The following WDR25 variants were observed in gnomAD, a reference collection of about 807,000 sequenced individuals.
WDR25 encodes the protein WD repeat-containing protein 25.
A neutral mutation model predicts 47.7 loss-of-function variants in WDR25; 35 were observed. That is an observed-to-expected ratio of 0.73 (90% CI 0.56 to 0.97). The LOEUF (loss-of-function observed/expected upper bound fraction) is 0.97, where lower values mean the gene tolerates loss of function less well. Among genes scored for constraint, WDR25 ranks in the 50% least tolerant of loss-of-function variants. The pLI, the probability that WDR25 is intolerant of heterozygous loss-of-function variation, is 0.00. For missense variants in WDR25, 634 were observed against 704.7 expected (o/e 0.90, Z 1.14); for synonymous variants, 248 against 278.9 (o/e 0.89, Z 1.10).
rs907074491 is a variant in WDR25 at position 100,511,060 on chromosome 14, C to CA, written c.1102-14801dup. Among the ~76,000 whole-genome samples, 131 of 149,262 alleles carry CA rather than the reference C, an allele frequency of 8.8e-4. 1 individual carries two copies. Among genetic ancestry groups the CA allele is most frequent in the Admixed American group, 6.0e-4 (9 of 14,994 alleles). On this transcript the variant is annotated intron_variant, in intron 4 of 6. Coordinates refer to ENST00000402312, the MANE Select transcript of WDR25 (RefSeq NM_001161476.3). ...TTTACAATTGCTTTGCCAATTTATG[C>CA]AAAAAAAAACTGGCTTGAACTTTAA...
chr14:100,464,723 T>TC (rs1202708565), intron 2 of WDR25, among the ~76,000 whole-genome samples: 1 of 103,228 alleles, frequency 9.7e-6, no homozygotes, highest in African/African-American at 3.9e-5. Context: ...CCCCATCTCA[T>TC]CTCCCCTACT....
At chr14:100,464,734 C>CCATCTCATCTCATCTCATCTCATCT (rs11275025) in intron 2 of WDR25, among the ~76,000 whole-genome samples, 1 of 57,410 alleles carries the variant, frequency 1.7e-5, no homozygotes, top group African/African-American at 7.7e-5. Context: ...CTCCCCTACT[C>CCATCTCATCTCATCTCATCTCATCT]CATCTCATCT....
At chr14:100,475,332 A>G (rs1899981723) in intron 3 of WDR25, among the ~76,000 whole-genome samples, 1 of 152,234 alleles carries the variant, frequency 6.6e-6, no homozygotes, top group African/African-American at 2.4e-5. Flanking sequence ...GCACCCCCGT[A>G]TTCATTGCAG....
chr14:100,523,113 C>G lies in WDR25; in HGVS notation c.1102-2757C>G, dbSNP rs79210934. On this transcript the variant is annotated intron_variant, in intron 4 of 6. Coordinates refer to ENST00000402312, the MANE Select transcript of WDR25 (RefSeq NM_001161476.3). This position sits in a 1 kb window ranked among gnomAD's most constrained non-coding sequence, Gnocchi z 4.7. ...AGGATGTTGCTGGGAGCCGGAGGACCCTGGATTGCTACTTTTAAAGTAGTC... is the reference window on the plus strand; with the variant it reads ...AGGATGTTGCTGGGAGCCGGAGGACGCTGGATTGCTACTTTTAAAGTAGTC... Among the ~76,000 whole-genome samples the G allele has an allele frequency of 6.6e-6, 1 of 152,188 alleles. No homozygotes were observed. Among genetic ancestry groups the G allele is most frequent in the Non-Finnish European group, 1.5e-5 (1 of 68,028 alleles).
intron 2 of WDR25, among the ~76,000 whole-genome samples, chr14:100,397,669 G>A (rs1190094338): frequency 6.6e-6 from 1 of 152,178 alleles, no homozygotes; most frequent in Non-Finnish European, 1.5e-5. Flanking sequence ...CTAGAGGATG[G>A]GTAGCCATTG....
At chr14:100,480,573 C>T (rs1900166283) in intron 3 of WDR25, among the ~76,000 whole-genome samples, 1 of 152,122 alleles carries the variant, frequency 6.6e-6, no homozygotes, top group Admixed American at 6.5e-5. Context: ...ATGGAGAGAA[C>T]ATTTTGAAAA....
intron 4 of WDR25, among the ~76,000 whole-genome samples, chr14:100,487,353 C>T (rs1900419246): frequency 6.6e-6 from 1 of 152,206 alleles, no homozygotes; most frequent in African/African-American, 2.4e-5. Context: ...AGTCAGCAAA[C>T]TATAGCCTAA....
At chr14:100,443,347 C>G (rs914291810) in intron 2 of WDR25, among the ~76,000 whole-genome samples, 18 of 150,788 alleles carry the variant, frequency 1.2e-4, no homozygotes, top group African/African-American at 4.4e-4. Context: ...GAGTCACACA[C>G]AAGCAGATGT....
At chr14:100,479,881 C>T (rs947274460) in intron 3 of WDR25, among the ~76,000 whole-genome samples, 4 of 152,064 alleles carry the variant, frequency 2.6e-5, no homozygotes, top group African/African-American at 7.2e-5. Context: ...TTGTGAACTG[C>T]GCATACGAGG....
intron 2 of WDR25, among the ~76,000 whole-genome samples, chr14:100,409,895 G>T (rs191075798): frequency 1.3e-5 from 2 of 152,292 alleles, no homozygotes; most frequent in Non-Finnish European, 2.9e-5. Flanking sequence ...CTGCAGAGCT[G>T]CTCCAGAATT....
intron 4 of WDR25, among the ~76,000 whole-genome samples, chr14:100,521,179 GACAC>G (rs559590297): frequency 4.7e-5 from 7 of 148,154 alleles, no homozygotes; most frequent in African/African-American, 9.8e-5. Context: ...CACACACATA[GACAC>G]ACACACACAC....
intron 1 of WDR25, among the ~76,000 whole-genome samples, chr14:100,379,012 G>C (rs2140131554): frequency 7.1e-6 from 1 of 140,814 alleles, no homozygotes; most frequent in Admixed American, 7.5e-5. Flanking sequence ...TCCAGGCAGA[G>C]AGAAAAGAGG....
At chr14:100,527,874 A>G (rs2140397618) in intron 5 of WDR25, among the ~76,000 whole-genome samples, 2 of 152,244 alleles carry the variant, frequency 1.3e-5, no homozygotes, top group South Asian at 4.1e-4. Context: ...GCTCACTTAG[A>G]GAGTGTGGCC....
intron 2 of WDR25, among the ~76,000 whole-genome samples, chr14:100,443,773 C>T (rs748460386): frequency 1.3e-5 from 2 of 152,118 alleles, no homozygotes; most frequent in Non-Finnish European, 2.9e-5. Flanking sequence ...GGGAGCGCTC[C>T]GGGCTGATGT....
chr14:100,397,849 T>C (rs1336640083), intron 2 of WDR25, among the ~76,000 whole-genome samples: 2 of 152,190 alleles, frequency 1.3e-5, no homozygotes, highest in Non-Finnish European at 2.9e-5. Context: ...AAAACTTTTT[T>C]TGTTTTTGAG....
intron 4 of WDR25, among the ~76,000 whole-genome samples, chr14:100,489,183 T>C (rs1900482794): frequency 6.6e-6 from 1 of 152,216 alleles, no homozygotes; most frequent in Non-Finnish European, 1.5e-5. Flanking sequence ...AGATGAGATA[T>C]GGTGTGGCCA....
chr14:100,395,997 G>A (rs886455062), intron 2 of WDR25, among the ~76,000 whole-genome samples: 1 of 119,318 alleles, frequency 8.4e-6, no homozygotes, highest in African/African-American at 3.3e-5. Flanking sequence ...TTTTTTTTGA[G>A]ACGGAGTCTC....
intron 4 of WDR25, among the ~76,000 whole-genome samples, chr14:100,508,020 C>T (rs977889656): frequency 1.3e-5 from 2 of 151,990 alleles, no homozygotes; most frequent in African/African-American, 2.4e-5. Context: ...TGCAGAAATC[C>T]TCAACAAAAT....
intron 1 of WDR25, among the ~76,000 whole-genome samples, chr14:100,378,258 C>T (rs1896778895): frequency 6.6e-6 from 1 of 151,990 alleles, no homozygotes. Flanking sequence ...CAACCTCTGC[C>T]TCCTGGGTTT....
Sources: gnomAD v4.1 joint callset for allele counts (sites outside exome capture counted in the v4.1 genomes callset) on GRCh38, gnomAD v4.1.1 for gene constraint, Gnocchi (gnomAD v3.1) non-coding constraint, MANE v1.5 for transcripts, NCBI Gene and HGNC (gene_info 2026-07-23, HGNC 2026-07-21) for gene names.